C8orf34: variants seen among roughly 807,000 people sequenced by gnomAD.
C8orf34 encodes the protein uncharacterized protein C8orf34.
C8orf34 carries 65 observed loss-of-function variants against 68.3 expected under a neutral mutation model. The observed-to-expected ratio is 0.95, with a 90% CI of 0.78 to 1.17. C8orf34 has a LOEUF of 1.17. C8orf34 is among the 50% of genes most tolerant of loss of function. The probability of loss-of-function intolerance (pLI) is 0.00; values close to 1 mark genes in which losing one functional copy is unlikely to be tolerated. For missense variants in C8orf34, 664 were observed against 655.4 expected (o/e 1.01, Z -0.14); for synonymous variants, 244 against 241.2 (o/e 1.01, Z -0.11).
intron 4 of C8orf34, among the ~76,000 whole-genome samples, chr8:68,487,171 G>T (rs1166604279): frequency 6.6e-6 from 1 of 152,118 alleles, no homozygotes; most frequent in African/African-American, 2.4e-5. Flanking sequence ...AAATATCAAA[G>T]GTATGGGGTA....
At chr8:68,403,578 C>T (rs1042432310) in intron 1 of C8orf34, among the ~76,000 whole-genome samples, 1 of 152,018 alleles carries the variant, frequency 6.6e-6, no homozygotes, top group African/African-American at 2.4e-5. Flanking sequence ...TGTTCCCTTC[C>T]CTGTGTCCAT....
chr8:68,532,181 A>G (rs1033198959), intron 6 of C8orf34, among the ~76,000 whole-genome samples: 3 of 152,144 alleles, frequency 2.0e-5, no homozygotes, highest in Admixed American at 2.0e-4. Flanking sequence ...AACACAGAAA[A>G]ACAGAAAGAA....
At chr8:68,760,153 G>GGCGGAGGACAGCCT (rs1822982137) in intron 10 of C8orf34, among the ~76,000 whole-genome samples, 1 of 152,184 alleles carries the variant, frequency 6.6e-6, no homozygotes, top group Non-Finnish European at 1.5e-5. Flanking sequence ...TTACAACACA[G>GGCGGAGGACAGCCT]GCGGAGGACA....
intron 7 of C8orf34, among the ~76,000 whole-genome samples, chr8:68,577,579 G>T (rs1473268650): frequency 1.3e-5 from 2 of 151,900 alleles, no homozygotes; most frequent in Non-Finnish European, 2.9e-5. Context: ...TGACCCAAAT[G>T]TAGATAGCAC....
intron 13 of C8orf34, among the ~76,000 whole-genome samples, chr8:68,816,319 T>A (rs1440589006): frequency 1.3e-5 from 2 of 152,160 alleles, no homozygotes; most frequent in Non-Finnish European, 2.9e-5. Flanking sequence ...GGCCATGGAC[T>A]CTATGATGCT....
chr8:68,465,189 C>T (rs1052596645), intron 3 of C8orf34, among the ~76,000 whole-genome samples: 4 of 152,004 alleles, frequency 2.6e-5, no homozygotes, highest in East Asian at 1.9e-4. Flanking sequence ...AGCCAAAAAA[C>T]ACATGAAAAA....
chr8:68,601,028 T>A (rs1817683355), intron 7 of C8orf34, among the ~76,000 whole-genome samples: 1 of 152,182 alleles, frequency 6.6e-6, no homozygotes, highest in Admixed American at 6.5e-5. Context: ...TGCCTTTCCA[T>A]GCCTGGCTGA....
chr8:68,402,056 G>A (rs954850136), intron 1 of C8orf34, among the ~76,000 whole-genome samples: 1 of 152,092 alleles, frequency 6.6e-6, no homozygotes, highest in Non-Finnish European at 1.5e-5. Flanking sequence ...TTATGTTGTT[G>A]TGGGAGATTT....
intron 3 of C8orf34, among the ~76,000 whole-genome samples, chr8:68,454,708 G>A (rs1811478590): frequency 6.6e-6 from 1 of 151,768 alleles, no homozygotes; most frequent in South Asian, 2.1e-4. Context: ...TTTTGGTTTT[G>A]CTGATTTTCT....
intron 8 of C8orf34, among the ~76,000 whole-genome samples, chr8:68,652,974 C>G (rs560855996): frequency 6.6e-6 from 1 of 152,120 alleles, no homozygotes; most frequent in African/African-American, 2.4e-5. Context: ...TATTTCCACT[C>G]AAATTATAAC....
At position 68,592,152 on chromosome 8, in the gene C8orf34, T is replaced by G. The variant is rs577277976; in HGVS notation, c.1106-48224T>G. On this transcript the variant is annotated intron_variant, in intron 7 of 13. Coordinates refer to ENST00000518698, the MANE Select transcript of C8orf34 (RefSeq NM_052958.4). ...TGTCTCCATTTATTTTATAGAGATA[T>G]TTTTTCTTTCATCCTCTATTCACAT... 2.6e-5 allele frequency among the ~76,000 whole-genome samples: 4 copies of G among 152,252 alleles called. No individual in the cohort carries two copies. In the South Asian group the frequency reaches 8.3e-4, roughly 32 times the overall value.
intron 7 of C8orf34, among the ~76,000 whole-genome samples, chr8:68,628,100 TA>T (rs1316942582): frequency 1.3e-5 from 2 of 152,188 alleles, no homozygotes; most frequent in Non-Finnish European, 2.9e-5. Context: ...CTTATGTTAT[TA>T]AAATGGAAAA....
chr8:68,510,036 C>T (rs927583463), intron 5 of C8orf34, among the ~76,000 whole-genome samples: 1 of 152,162 alleles, frequency 6.6e-6, no homozygotes, highest in Non-Finnish European at 1.5e-5. Context: ...CAGGAATCAG[C>T]CATGCTTACC....
chr8:68,551,015 G>A (rs1563524636), intron 7 of C8orf34, among the ~76,000 whole-genome samples: 2 of 151,194 alleles, frequency 1.3e-5, no homozygotes, highest in African/African-American at 4.9e-5. Context: ...CCTACTTAAT[G>A]TTCTCTGAGC....
intron 8 of C8orf34, among the ~76,000 whole-genome samples, chr8:68,681,442 G>A (rs1820367871): frequency 6.6e-6 from 1 of 152,126 alleles, no homozygotes; most frequent in African/African-American, 2.4e-5. Flanking sequence ...CCAGAGAAAT[G>A]TGAGTCAATC....
intron 4 of C8orf34, among the ~76,000 whole-genome samples, chr8:68,472,187 A>ATAGT (rs1812408652): frequency 6.6e-6 from 1 of 152,192 alleles, no homozygotes; most frequent in Non-Finnish European, 1.5e-5. Flanking sequence ...GTATTGCCAC[A>ATAGT]TAGTCATGAC....
chr8:68,371,090 A>G (rs2129619770), intron 1 of C8orf34, among the ~76,000 whole-genome samples: 1 of 152,272 alleles, frequency 6.6e-6, no homozygotes, highest in East Asian at 1.9e-4. Context: ...CCTCCAACAT[A>G]GGAGAGCAAG....
intron 8 of C8orf34, among the ~76,000 whole-genome samples, chr8:68,705,345 A>G (rs918768097): frequency 1.3e-5 from 2 of 152,180 alleles, no homozygotes; most frequent in African/African-American, 2.4e-5. Context: ...GAGGGAAAAT[A>G]TAATATTTAT....
At chr8:68,492,156 T>C (rs535494294) in intron 5 of C8orf34, among the ~76,000 whole-genome samples, 21 of 152,346 alleles carry the variant, frequency 1.4e-4, no homozygotes, top group Admixed American at 2.6e-4. Context: ...CAAAATCTTA[T>C]TGAAATTTTT....
Sources: gnomAD v4.1 joint callset for allele counts (sites outside exome capture counted in the v4.1 genomes callset) on GRCh38, gnomAD v4.1.1 for gene constraint, MANE v1.5 for transcripts, NCBI Gene and HGNC (gene_info 2026-07-23, HGNC 2026-07-21) for gene names.